The following PSTPIP1 variants were observed in gnomAD, a reference collection of about 807,000 sequenced individuals.
PSTPIP1 encodes the protein proline-serine-threonine phosphatase-interacting protein 1.
PSTPIP1 carries 66 observed loss-of-function variants against 69.6 expected under a neutral mutation model. That is an observed-to-expected ratio of 0.95 (90% CI 0.78 to 1.16). The LOEUF (loss-of-function observed/expected upper bound fraction) is 1.16, where lower values mean the gene tolerates loss of function less well. Ranked by LOEUF, PSTPIP1 falls within the 50% of genes most tolerant of loss-of-function variation. PSTPIP1 has a pLI of 0.00. For synonymous variants in PSTPIP1, 266 were observed against 222.7 expected (o/e 1.19, Z -1.73); for missense variants, 603 against 557.4 (o/e 1.08, Z -0.82).
At chr15:77,032,716 G>A (rs2076450860) in intron 11 of PSTPIP1, 146 bp from the exon 12 acceptor site, 1 of 678,386 alleles carries the variant, frequency 1.5e-6, no homozygotes, top group Admixed American at 2.8e-5. Flanking sequence ...CCTACGGTGG[G>A]GTCTCTCATG....
chr15:76,998,206 C>G (rs1203074579), intron 1 of PSTPIP1, among the ~76,000 whole-genome samples: 1 of 152,230 alleles, frequency 6.6e-6, no homozygotes, highest in African/African-American at 2.4e-5. Flanking sequence ...CCACTGTACT[C>G]TAGCCTGGGT....
At chr15:77,029,629 CCACACACACCTCCTCACCCTGGGGACA>C in intron 8 of PSTPIP1, 55 bp downstream of exon 8, 1 of 1,514,318 alleles carries the variant, frequency 6.6e-7, no homozygotes, top group Non-Finnish European at 9.0e-7. Flanking sequence ...GCGGTACTCC[CCACACACACCTCCTCACCCTGGGGACA>C]CACACACTCC....
In PSTPIP1 at chr15:77,027,513, G is replaced by A. The variant is rs577746056; in HGVS notation, c.355-339G>A. Among the ~76,000 whole-genome samples, 4 of 152,360 alleles carry A rather than the reference G, an allele frequency of 2.6e-5. No homozygotes were observed. The highest frequency in any genetic ancestry group is 1.9e-4 in the East Asian group (1 of 5,184). ...TGTGTGTGCCAGAGTGTACACACAC[G>A]TGTGAGCGACTGTGATGCCTGCAGA... On this transcript the variant is annotated intron_variant, in intron 5 of 14. Coordinates refer to ENST00000558012, the MANE Select transcript of PSTPIP1 (RefSeq NM_003978.5). This position sits in a 1 kb window ranked among gnomAD's most constrained non-coding sequence, Gnocchi z 4.3.
At chr15:77,031,666 C>T (rs1568519271) in intron 10 of PSTPIP1, 2 of 204,592 alleles carry the variant, frequency 9.8e-6, no homozygotes, top group Non-Finnish European at 2.0e-5. Flanking sequence ...AGGCGCAGTC[C>T]TTCCTCTGCT....
chr15:77,029,114 G>A (rs2076354929), intron 7 of PSTPIP1, among the ~76,000 whole-genome samples: 1 of 152,222 alleles, frequency 6.6e-6, no homozygotes, highest in Non-Finnish European at 1.5e-5. Context: ...GGCCAGAGTG[G>A]GGGTATCAGA....
At chr15:77,031,616 C>CGT (rs1338599229) in intron 10 of PSTPIP1, 3 of 274,268 alleles carry the variant, frequency 1.1e-5, no homozygotes, top group Non-Finnish European at 2.2e-5. Context: ...GCTGGAGGAC[C>CGT]GTGGCTGCTC....
In PSTPIP1 at chr15:77,035,570, G is replaced by A. The variant is rs995909770; in HGVS notation, c.985+7G>A. ...TCGTTGGCAGCTTCTGCTGGTAAAG[G>A]GGGTCAGGAGGGGACCCCCAAACAC... On this transcript the variant is annotated splice_region_variant and intron_variant, in intron 13 of 14. Coordinates refer to ENST00000558012, the MANE Select transcript of PSTPIP1 (RefSeq NM_003978.5). 1.7e-5 allele frequency: 26 copies of A among 1,572,322 alleles called. No homozygotes were observed. The highest frequency in any genetic ancestry group is 2.2e-5 in the Non-Finnish European group (25 of 1,159,408).
intron 1 of PSTPIP1, among the ~76,000 whole-genome samples, chr15:77,013,134 C>T (rs541638561): frequency 4.6e-5 from 7 of 152,330 alleles, no homozygotes; most frequent in African/African-American, 1.7e-4. Context: ...GAGAGCACCC[C>T]AGCACCATGC....
In PSTPIP1 at chr15:77,037,031, A is replaced by G; in HGVS notation, c.1120-14A>G. On this transcript the variant is annotated splice_polypyrimidine_tract_variant and intron_variant, in intron 14 of 14. Coordinates refer to ENST00000558012, the MANE Select transcript of PSTPIP1 (RefSeq NM_003978.5). ...GGCCCTTCCAACGTCATGCGCTTTCAATCTCTTGGCCAGAACCCAGATGAG... is the reference window on the plus strand; with the variant it reads ...GGCCCTTCCAACGTCATGCGCTTTCGATCTCTTGGCCAGAACCCAGATGAG... The G allele has an allele frequency of 1.2e-6, 2 of 1,611,092 alleles. No individual in the cohort carries two copies. The highest frequency in any genetic ancestry group is 1.7e-6 in the Non-Finnish European group (2 of 1,178,968).
chr15:77,032,368 C>T lies in PSTPIP1; in HGVS notation c.812C>T (p.Ala271Val), dbSNP rs761507749. 1 of 1,612,712 alleles carries T rather than the reference C, an allele frequency of 6.2e-7. No individual in the cohort carries two copies. Among genetic ancestry groups the T allele is most frequent in the Non-Finnish European group, 8.5e-7 (1 of 1,179,794 alleles). ...GCCGACATCGACAGTTTCATCCAGG[C>T]CAAGAGCACGGGCACAGAGCCCCCC... ...IDADIDSFIQ[A>V]KSTGTEPPAP... is the part of the protein sequence containing the mutation. Residue 271 changes from alanine (A) to valine (V), a missense_variant, in exon 11 of 15, where the codon GCC becomes GTC. By Grantham distance (64) the Ala-to-Val change is moderately conservative (BLOSUM62 0). Coordinates refer to ENST00000558012, the MANE Select transcript of PSTPIP1 (RefSeq NM_003978.5).
intron 3 of PSTPIP1, among the ~76,000 whole-genome samples, chr15:77,021,016 G>A (rs2076150314): frequency 6.6e-6 from 1 of 152,346 alleles, no homozygotes; most frequent in South Asian, 2.1e-4. Context: ...AGGTCTATGG[G>A]ATGCTCATTC....
chr15:77,031,462 C>T, intron 10 of PSTPIP1, 184 bp downstream of exon 10: 1 of 546,036 alleles, frequency 1.8e-6, no homozygotes. Flanking sequence ...CTCAGTACCA[C>T]ACAGGGCCAT....
In PSTPIP1 at chr15:76,999,810, C is replaced by T. The variant is rs142600282; in HGVS notation, c.36+4201C>T. On this transcript the variant is annotated intron_variant, in intron 1 of 14. Transcript: ENST00000558012. ...TCAACTGTGCCATCCTCTCCCAGGT[C>T]CCCCATCCCCCGCAACCTGTATGTC... 2.0e-5 allele frequency among the ~76,000 whole-genome samples: 3 copies of T among 152,340 alleles called. No homozygotes were observed. In the East Asian group the frequency reaches 5.8e-4, roughly 29 times the overall value.
At chr15:77,030,243 G>A (rs1444775911) in intron 8 of PSTPIP1, among the ~76,000 whole-genome samples, 1 of 152,234 alleles carries the variant, frequency 6.6e-6, no homozygotes, top group East Asian at 1.9e-4. Flanking sequence ...GAGATGCCCA[G>A]AGGCCAATAC....
At chr15:77,015,871 C>T (rs2076039172) in intron 1 of PSTPIP1, 2 of 452,920 alleles carry the variant, frequency 4.4e-6, no homozygotes, top group South Asian at 3.1e-5. Context: ...CCCCTGCCAG[C>T]AGCCCAAAGC....
At chr15:77,007,339 G>T (rs1011312583) in intron 1 of PSTPIP1, among the ~76,000 whole-genome samples, 1 of 152,220 alleles carries the variant, frequency 6.6e-6, no homozygotes, top group Non-Finnish European at 1.5e-5. Context: ...CCTGTGCAGT[G>T]GCTCATGCCT....
chr15:76,995,951 A>G (rs1461644504), intron 1 of PSTPIP1, among the ~76,000 whole-genome samples: 1 of 152,170 alleles, frequency 6.6e-6, no homozygotes, highest in Non-Finnish European at 1.5e-5. Context: ...AGATTTAGAG[A>G]CCAGACAAAC....
chr15:77,009,005 C>G (rs1043449148), intron 1 of PSTPIP1, among the ~76,000 whole-genome samples: 3 of 152,230 alleles, frequency 2.0e-5, no homozygotes, highest in Admixed American at 6.5e-5. Flanking sequence ...TCCTACTACA[C>G]TCATGGGTGG....
chr15:77,037,057 C>G lies in PSTPIP1; in HGVS notation c.1132C>G (p.Leu378Val), dbSNP rs1280651757. Reference protein sequence around the residue: ...YDYTAQNPDELDLSAGDILEV... With the variant: ...YDYTAQNPDEVDLSAGDILEV... Reference sequence around the variant, plus strand: ...ATCTCTTGGCCAGAACCCAGATGAGCTGGACCTGTCCGCGGGAGACATCCT... The same window carrying G: ...ATCTCTTGGCCAGAACCCAGATGAGGTGGACCTGTCCGCGGGAGACATCCT... The change falls in exon 15 of 15, where the codon CTG (leucine) becomes GTG (valine). Residue 378 changes from leucine (L) to valine (V), a missense_variant. Leu to Val is a conservative substitution (Grantham distance 32). Coordinates refer to ENST00000558012, the MANE Select transcript of PSTPIP1 (RefSeq NM_003978.5). 2 of 1,612,194 alleles carry G rather than the reference C, an allele frequency of 1.2e-6. No individual in the cohort carries two copies. Among genetic ancestry groups the G allele is most frequent in the Non-Finnish European group, 8.5e-7 (1 of 1,179,598 alleles).
Sources: gnomAD v4.1 joint callset for allele counts (sites outside exome capture counted in the v4.1 genomes callset) on GRCh38, gnomAD v4.1.1 for gene constraint, Gnocchi (gnomAD v3.1) non-coding constraint, MANE v1.5 for transcripts, NCBI Gene and HGNC (gene_info 2026-07-23, HGNC 2026-07-21) for gene names.